The following MREG variants were observed in gnomAD, a reference collection of about 807,000 sequenced individuals.
MREG encodes the protein melanoregulin.
MREG carries 31 observed loss-of-function variants against 28.5 expected under a neutral mutation model. That is an observed-to-expected ratio of 1.09 (90% CI 0.82 to 1.47). The LOEUF (loss-of-function observed/expected upper bound fraction) is 1.47. Ranked by LOEUF, MREG falls within the 40% of genes most tolerant of loss-of-function variation. MREG has a pLI of 0.00. For missense variants in MREG, 256 were observed against 257.4 expected, an observed-to-expected ratio of 0.99 and a Z score of 0.04; for synonymous variants, 106 against 95.2, an observed-to-expected ratio of 1.11 and a Z score of -0.66.
At chr2:216,025,532 A>C (rs906760777) in intron 1 of MREG, among the ~76,000 whole-genome samples, 1 of 152,254 alleles carries the variant, frequency 6.6e-6, no homozygotes, top group Admixed American at 6.5e-5. Context: ...AGTCAACCCT[A>C]TGGGGAGTTC....
chr2:215,979,989 A>AC (rs891591767), intron 2 of MREG, among the ~76,000 whole-genome samples: 3 of 150,002 alleles, frequency 2.0e-5, no homozygotes, highest in Non-Finnish European at 2.9e-5. Context: ...AAAAAAAAAA[A>AC]ACAAAAAAAA....
intron 2 of MREG, among the ~76,000 whole-genome samples, chr2:215,970,928 T>C (rs933229002): frequency 7.9e-5 from 12 of 152,098 alleles, no homozygotes; most frequent in Non-Finnish European, 1.0e-4. Flanking sequence ...GTGGCACATA[T>C]ACACTATGGA....
chr2:216,013,144 C>T (rs893492179), intron 1 of MREG, 89 bp downstream of exon 1: 41 of 1,182,360 alleles, frequency 3.5e-5, no homozygotes, highest in Non-Finnish European at 4.8e-5. Flanking sequence ...CCCACCTCCC[C>T]AACTCACACA....
At chr2:215,959,053 C>T (rs1401132975) in intron 2 of MREG, among the ~76,000 whole-genome samples, 1 of 152,070 alleles carries the variant, frequency 6.6e-6, no homozygotes, top group African/African-American at 2.4e-5. Flanking sequence ...TCCAGCTGAT[C>T]CCCCTCACTC....
intron 1 of MREG, among the ~76,000 whole-genome samples, chr2:216,000,236 G>T (rs1693981392): frequency 6.6e-6 from 1 of 152,020 alleles, no homozygotes; most frequent in Admixed American, 6.6e-5. Context: ...CTTCTTCTGG[G>T]CCAGACAGCC....
chr2:215,990,986 C>T lies in MREG; in HGVS notation c.255+5320G>A, dbSNP rs555796356. Among the ~76,000 whole-genome samples the T allele has an allele frequency of 4.3e-4, 66 of 152,166 alleles. 1 individual carries two copies. In the South Asian group the frequency reaches 0.011, roughly 26 times the overall value. On this transcript the variant is annotated intron_variant, in intron 2 of 4. Transcript: ENST00000263268. ...CCACTGTCAATATTAGATAGATCAA[C>T]GAGACAGAAAATTAACAAGGATATA...
chr2:215,985,599 AT>A (rs144692991), intron 2 of MREG, among the ~76,000 whole-genome samples: 22 of 151,780 alleles, frequency 1.4e-4, no homozygotes, highest in East Asian at 3.9e-4. Context: ...TTCTATATAT[AT>A]TTTTTTCCTG....
At chr2:215,941,147 C>T (rs768157864), downstream of MREG, among the ~76,000 whole-genome samples, 4 of 152,160 alleles carry the variant, frequency 2.6e-5, no homozygotes, top group Non-Finnish European at 5.9e-5. Context: ...AACATTCCCG[C>T]TTCCACATGG....
At chr2:215,954,160 A>G (rs1336950745) in intron 2 of MREG, among the ~76,000 whole-genome samples, 2 of 152,178 alleles carry the variant, frequency 1.3e-5, no homozygotes, top group Non-Finnish European at 2.9e-5. Context: ...CTTACATCTA[A>G]TTGGCTAATT....
At chr2:216,003,774 A>AT (rs1694082818) in intron 1 of MREG, among the ~76,000 whole-genome samples, 1 of 152,160 alleles carries the variant, frequency 6.6e-6, no homozygotes, top group African/African-American at 2.4e-5. Flanking sequence ...CTCATCCCCT[A>AT]TATCTATCCA....
chr2:216,026,890 A>G (rs62181271), intron 1 of MREG, among the ~76,000 whole-genome samples: 4,255 of 152,264 alleles, frequency 0.028, 154 homozygotes, highest in African/African-American at 0.087. Flanking sequence ...ATCAGGTAAA[A>G]CTATCTGTAC....
chr2:215,943,204 T>C lies in MREG; in HGVS notation c.*1659A>G. On this transcript the variant is annotated 3_prime_UTR_variant, in exon 5 of 5. Coordinates refer to ENST00000263268, the MANE Select transcript of MREG (RefSeq NM_018000.3). Reference sequence around the variant, plus strand: ...AATATTTCCATTTTTCTCAGCAATCTATGGATTAACCTTACAAATCCTTAA... The same window carrying C: ...AATATTTCCATTTTTCTCAGCAATCCATGGATTAACCTTACAAATCCTTAA... The C allele has an allele frequency of 3.6e-6, 1 of 276,086 alleles. No homozygotes were observed. Among genetic ancestry groups the C allele is most frequent in the Non-Finnish European group, 7.3e-6 (1 of 137,000 alleles). The allele number at this position is 276,086 out of a possible 1,614,324, so 17.1% of individuals were successfully genotyped here.
intron 1 of MREG, among the ~76,000 whole-genome samples, chr2:216,006,660 A>G (rs1694162011): frequency 6.6e-6 from 1 of 152,238 alleles, no homozygotes; most frequent in African/African-American, 2.4e-5. Flanking sequence ...CCGGTCTGAG[A>G]AATCTCACTG....
At chr2:215,975,008 T>TTATATATATATATATATATATATA (rs58937716) in intron 2 of MREG, among the ~76,000 whole-genome samples, 4,441 of 105,610 alleles carry the variant, frequency 0.042, 301 homozygotes, top group Non-Finnish European at 0.053. Context: ...TTTATATGAA[T>TTATATATATATATATATATATATA]TATATATATA....
intron 2 of MREG, among the ~76,000 whole-genome samples, chr2:215,965,198 AG>A (rs1487174398): frequency 1.3e-5 from 2 of 152,270 alleles, no homozygotes; most frequent in Non-Finnish European, 2.9e-5. Context: ...GGCAACTCAC[AG>A]GCCATAACTC....
chr2:216,008,256 A>G (rs1271513191), intron 1 of MREG, among the ~76,000 whole-genome samples: 2 of 152,062 alleles, frequency 1.3e-5, no homozygotes, highest in South Asian at 2.1e-4. Flanking sequence ...TCCTGTACAG[A>G]TTGGGCTTAG....
At chr2:215,999,943 T>C (rs1166731212) in intron 1 of MREG, among the ~76,000 whole-genome samples, 1 of 152,108 alleles carries the variant, frequency 6.6e-6, no homozygotes, top group East Asian at 1.9e-4. Flanking sequence ...ATCAGAAGAA[T>C]GGTCTTACGG....
chr2:216,025,817 G>A (rs1482958331), intron 1 of MREG, among the ~76,000 whole-genome samples: 5 of 152,196 alleles, frequency 3.3e-5, no homozygotes, highest in East Asian at 1.9e-4. Flanking sequence ...TCCCTGCACC[G>A]AAATCCATCC....
chr2:216,012,521 G>C (rs1694340156), intron 1 of MREG, among the ~76,000 whole-genome samples: 1 of 149,358 alleles, frequency 6.7e-6, no homozygotes. Flanking sequence ...TTTCTGTCAT[G>C]TCTACCCCTG....
Sources: allele counts gnomAD v4.1 joint callset (sites outside exome capture counted in the v4.1 genomes callset), GRCh38; gene constraint gnomAD v4.1.1; transcripts MANE v1.5; gene names NCBI Gene and HGNC (gene_info 2026-07-23, HGNC 2026-07-21).